Variants in NOTCH2 observed in about 807,000 individuals in gnomAD.
The protein encoded by NOTCH2 is neurogenic locus notch homolog protein 2.
NOTCH2 carries 29 observed loss-of-function variants against 235.8 expected under a neutral mutation model. That is an observed-to-expected ratio of 0.12 (90% CI 0.09 to 0.17). The LOEUF (loss-of-function observed/expected upper bound fraction) is 0.17. NOTCH2 is among the 10% of genes least tolerant of loss of function. NOTCH2 has a pLI of 1.00. For synonymous variants in NOTCH2, 1,086 were observed against 1,141.5 expected (o/e 0.95, Z 0.98); for missense variants, 2,285 against 3,150.2 (o/e 0.73, Z 6.57).
At chr1:119,999,137 C>T (rs1355468668) in intron 3 of NOTCH2, among the ~76,000 whole-genome samples, 1 of 145,252 alleles carries the variant, frequency 6.9e-6, no homozygotes, top group African/African-American at 2.7e-5. Flanking sequence ...GTGAATAGTG[C>T]CGCAATAAAC....
At chr1:119,965,420 T>C (rs782700729) in intron 10 of NOTCH2, 33 bp downstream of exon 10, 17 of 1,523,452 alleles carry the variant, frequency 1.1e-5, no homozygotes, top group Admixed American at 1.7e-5. Context: ...CAGATGGACC[T>C]ACCAAGGAGA....
chr1:120,011,409 C>T (rs1553206919), intron 2 of NOTCH2, among the ~76,000 whole-genome samples: 1 of 152,110 alleles, frequency 6.6e-6, no homozygotes, highest in African/African-American at 2.4e-5. Context: ...GTTATGTGGG[C>T]CTTTTGTTTT....
chr1:119,980,398 A>G (rs1280441830), intron 5 of NOTCH2, among the ~76,000 whole-genome samples: 1 of 152,168 alleles, frequency 6.6e-6, no homozygotes, highest in Non-Finnish European at 1.5e-5. Context: ...GCCAAGCTCT[A>G]TGGTCAATGA....
intron 5 of NOTCH2, among the ~76,000 whole-genome samples, chr1:119,970,572 T>A (rs1490122057): frequency 1.3e-5 from 2 of 152,188 alleles, no homozygotes; most frequent in Admixed American, 1.3e-4. Context: ...TAAAGGAAGC[T>A]AAACATGAGC....
rs762364028 is a variant in NOTCH2 at position 119,922,567 on chromosome 1, A to T, written c.5002+69T>A. 375 of 1,609,678 alleles carry T rather than the reference A, an allele frequency of 2.3e-4. 1 individual carries two copies. Among genetic ancestry groups the T allele is most frequent in the Non-Finnish European group, 3.1e-4 (365 of 1,177,332 alleles). On this transcript the variant is annotated intron_variant, in intron 27 of 33. Coordinates refer to ENST00000256646, the MANE Select transcript of NOTCH2 (RefSeq NM_024408.4). ...GTCCTGAAAAAATAGAGGGCTACAT[A>T]ATGAAAATTGTTCCCCCAATTGACA...
At chr1:119,999,975 G>A (rs1652673612) in intron 3 of NOTCH2, among the ~76,000 whole-genome samples, 1 of 87,386 alleles carries the variant, frequency 1.1e-5, no homozygotes, top group Non-Finnish European at 2.0e-5. Flanking sequence ...AAGAAAGAAA[G>A]AAAGGAAGGA....
At chr1:119,977,048 G>A (rs1341652171) in intron 5 of NOTCH2, among the ~76,000 whole-genome samples, 3 of 152,058 alleles carry the variant, frequency 2.0e-5, no homozygotes, top group African/African-American at 7.2e-5. Context: ...GTCTATGCCT[G>A]TGTTTCTCAC....
intron 5 of NOTCH2, among the ~76,000 whole-genome samples, chr1:119,984,356 C>T (rs1296886416): frequency 9.2e-5 from 14 of 152,188 alleles, no homozygotes; most frequent in African/African-American, 3.1e-4. Flanking sequence ...AACCCAACCA[C>T]TACGGGTCTT....
intron 23 of NOTCH2, among the ~76,000 whole-genome samples, 173 bp from the exon 24 acceptor site, chr1:119,926,784 A>C (rs1009337955): frequency 6.6e-6 from 1 of 152,170 alleles, no homozygotes; most frequent in Non-Finnish European, 1.5e-5. Context: ...GCATCTCAAC[A>C]TGATTGGCCT....
rs1553199829 is a variant in NOTCH2, at chr1:119,967,542, A to G, written c.1344T>C (p.Tyr448=). The part of the protein sequence containing the change: ...GAFHCECLKG[Y]AGPRCEMDIN... ...TGTCCATCTCACAACGAGGTCCTGCATAACCCTTCAGACACTCACAGTGGA... is the reference window on the plus strand; with the variant it reads ...TGTCCATCTCACAACGAGGTCCTGCGTAACCCTTCAGACACTCACAGTGGA... Residue 448 remains tyrosine, a synonymous_variant, in exon 8 of 34, where the codon TAT becomes TAC. Coordinates refer to ENST00000256646, the MANE Select transcript of NOTCH2 (RefSeq NM_024408.4). The G allele has an allele frequency of 6.2e-6, 10 of 1,614,136 alleles. No homozygotes were observed. The highest frequency in any genetic ancestry group is 1.1e-5 in the South Asian group (1 of 91,086).
intron 12 of NOTCH2, among the ~76,000 whole-genome samples, chr1:119,956,320 T>C (rs925285814): frequency 3.9e-5 from 6 of 152,244 alleles, no homozygotes; most frequent in African/African-American, 1.4e-4. Flanking sequence ...GCTATGAATT[T>C]ATATATTTCA....
chr1:119,941,148 T>G (rs926446949), intron 18 of NOTCH2, among the ~76,000 whole-genome samples: 1 of 152,292 alleles, frequency 6.6e-6, no homozygotes, highest in East Asian at 1.9e-4. Context: ...CATAATATTA[T>G]AAAAAGAAAT....
intron 8 of NOTCH2, 146 bp from the exon 9 acceptor site, chr1:119,966,635 T>C (rs1553199710): frequency 2.9e-6 from 2 of 699,296 alleles, no homozygotes; most frequent in Non-Finnish European, 5.2e-6. Flanking sequence ...TGATGAGAAA[T>C]AGTCACTCCA....
chr1:120,001,119 C>T (rs1293882388), intron 3 of NOTCH2, among the ~76,000 whole-genome samples: 2 of 152,106 alleles, frequency 1.3e-5, no homozygotes, highest in Non-Finnish European at 1.5e-5. Context: ...GTGCCTTTTG[C>T]CTCCCACCAT....
intron 29 of NOTCH2, among the ~76,000 whole-genome samples, chr1:119,920,657 C>T (rs1440537152): frequency 6.6e-6 from 1 of 152,174 alleles, no homozygotes; most frequent in Non-Finnish European, 1.5e-5. Context: ...ATCTCCAGAG[C>T]ACCCAATTCT....
intron 1 of NOTCH2, among the ~76,000 whole-genome samples, chr1:120,048,458 T>G (rs1654890089): frequency 8.3e-6 from 1 of 120,852 alleles, no homozygotes; most frequent in African/African-American, 4.0e-5. Flanking sequence ...TTTTTTTTTT[T>G]TTTTTTTGGA....
At chr1:119,940,101 T>C (rs1650011067) in intron 19 of NOTCH2, among the ~76,000 whole-genome samples, 1 of 152,204 alleles carries the variant, frequency 6.6e-6, no homozygotes. Context: ...ATTTACATAT[T>C]TGAACTTAAA....
intron 19 of NOTCH2, among the ~76,000 whole-genome samples, chr1:119,938,703 C>T (rs868927095): frequency 1.0e-4 from 15 of 150,406 alleles, no homozygotes; most frequent in East Asian, 2.0e-4. Flanking sequence ...TTTTTTGAGA[C>T]GGAGTCTCAC....
intron 12 of NOTCH2, among the ~76,000 whole-genome samples, chr1:119,956,960 A>G (rs1553198418): frequency 6.6e-6 from 1 of 152,208 alleles, no homozygotes; most frequent in East Asian, 1.9e-4. Context: ...AGGTAACTAA[A>G]ATGAGAAGTT....
Sources: gnomAD v4.1 joint callset for allele counts (sites outside exome capture counted in the v4.1 genomes callset) on GRCh38, gnomAD v4.1.1 for gene constraint, MANE v1.5 for transcripts, NCBI Gene and HGNC (gene_info 2026-07-23, HGNC 2026-07-21) for gene names.